Variants in BRD9 observed in about 807,000 individuals in gnomAD.
The protein encoded by BRD9 is bromodomain containing 9, also known as bromodomain-containing protein 9.
In BRD9, 47 loss-of-function variants were observed where a neutral mutation model predicts 68.7. The observed-to-expected ratio is 0.68, with a 90% CI of 0.54 to 0.87. BRD9 has a LOEUF of 0.87. Ranked by LOEUF, BRD9 falls within the 40% of genes least tolerant of loss-of-function variation. BRD9 has a pLI of 0.00. For synonymous variants in BRD9, 313 were observed against 293.9 expected, an observed-to-expected ratio of 1.06 and a Z score of -0.67; for missense variants, 670 against 748.4, an observed-to-expected ratio of 0.90 and a Z score of 1.22.
At chr5:881,465 T>C in intron 8 of BRD9, 1 of 503,784 alleles carries the variant, frequency 2.0e-6, no homozygotes, top group Non-Finnish European at 3.6e-6. Flanking sequence ...AAATTGCTCA[T>C]GAGCCTTGAC....
chr5:870,466 A>T lies in BRD9; in HGVS notation c.1525+7T>A, dbSNP rs1170880682. ...GGTGCTGTGGGAAAGTGCCTGTTAC[A>T]ACTCACCCAGAGAGCTGAGCATGGA... On this transcript the variant is annotated splice_region_variant and intron_variant, in intron 14 of 15. Coordinates refer to ENST00000467963, the MANE Select transcript of BRD9 (RefSeq NM_023924.5). The T allele has an allele frequency of 6.2e-7, 1 of 1,609,840 alleles. No homozygotes were observed. Among genetic ancestry groups the T allele is most frequent in the East Asian group, 2.2e-5 (1 of 44,856 alleles).
At chr5:883,764 C>G (rs1369772064) in intron 8 of BRD9, 174 bp downstream of exon 8, 2 of 912,338 alleles carry the variant, frequency 2.2e-6, no homozygotes, top group Non-Finnish European at 3.2e-6. Context: ...CACCTGGACC[C>G]CGACTGAAGA....
At chr5:882,948 A>C (rs994685062) in intron 8 of BRD9, 6 of 262,536 alleles carry the variant, frequency 2.3e-5, no homozygotes, top group Admixed American at 1.6e-4. Flanking sequence ...AGCCACGTGA[A>C]CCACAACCTC....
At chr5:874,042 G>C (rs1455471814) in intron 12 of BRD9, among the ~76,000 whole-genome samples, 2 of 152,244 alleles carry the variant, frequency 1.3e-5, no homozygotes, top group Admixed American at 1.3e-4. Flanking sequence ...TTCTCTGAAA[G>C]AGAGAAAGAA....
intron 11 of BRD9, among the ~76,000 whole-genome samples, 157 bp downstream of exon 11, chr5:878,198 T>G (rs1228199975): frequency 2.0e-5 from 3 of 152,124 alleles, no homozygotes; most frequent in Non-Finnish European, 2.9e-5. Context: ...GGCAGACCTG[T>G]GTGGATGACT....
At chr5:892,131 T>C (rs542654384) in intron 1 of BRD9, 148 of 504,848 alleles carry the variant, frequency 2.9e-4, no homozygotes, top group Non-Finnish European at 4.6e-4. Flanking sequence ...TTCAAGAAGA[T>C]GGATTAAGAG....
chr5:892,525 G>A lies in BRD9; in HGVS notation c.52+81C>T, dbSNP rs949749894. Reference sequence around the variant, plus strand: ...GGCCAGGACCTCGCCCGGTGCCCAGGACCCCCGTCCGCGTGCCCGGAACTC... The same window carrying A: ...GGCCAGGACCTCGCCCGGTGCCCAGAACCCCCGTCCGCGTGCCCGGAACTC... On this transcript the variant is annotated intron_variant, in intron 1 of 15. Transcript: ENST00000467963. 8 of 1,501,608 alleles carry A rather than the reference G, an allele frequency of 5.3e-6. No individual in the cohort carries two copies. The Admixed American group carries it at 6.5e-5, about 12-fold the overall frequency. The allele number at this position is 1,501,608 out of a possible 1,614,324, so 93.0% of individuals were successfully genotyped here.
rs767493805 is a variant in BRD9 at position 889,063 on chromosome 5, G to C, written c.564C>G (p.Asp188Glu). 8.7e-6 allele frequency: 14 copies of C among 1,610,166 alleles called. 1 individual carries two copies. Among genetic ancestry groups the C allele is most frequent in the Non-Finnish European group, 1.2e-5 (14 of 1,179,106 alleles). Residue 188 changes from aspartate to glutamate, a missense_variant, in exon 5 of 16, where the codon GAC (aspartate) becomes GAG (glutamate). Coordinates refer to ENST00000467963, the MANE Select transcript of BRD9 (RefSeq NM_023924.5). ...ACTTGTATTCATTAGCTACAATTTT[G>C]TCTTTCATGGTGCCAAAATCCATGG... ...KHPMDFGTMKDKIVANEYKSV... is the reference protein window; with the variant it reads ...KHPMDFGTMKEKIVANEYKSV...
chr5:876,665 T>C (rs1750983285), intron 11 of BRD9, among the ~76,000 whole-genome samples: 1 of 152,070 alleles, frequency 6.6e-6, no homozygotes. Flanking sequence ...GCCATATACA[T>C]GAAACAGCTT....
Position 886,722 on chromosome 5 carries a change from T to C in BRD9, c.718-15A>G, listed in dbSNP as rs372148233. The C allele has an allele frequency of 3.2e-5, 52 of 1,613,970 alleles. No homozygotes were observed. The highest frequency in any genetic ancestry group is 4.1e-5 in the Non-Finnish European group (48 of 1,179,986). The stretch of plus-strand genomic sequence containing the variant: ...AGAGCTGCCTGCTGAGAAAAATCCA[T>C]GTCCTGCATAAACGACATGCTGCGC... On this transcript the variant is annotated splice_polypyrimidine_tract_variant and intron_variant, in intron 6 of 15. Coordinates refer to ENST00000467963, the MANE Select transcript of BRD9 (RefSeq NM_023924.5).
intron 1 of BRD9, chr5:892,379 G>T: frequency 9.5e-7 from 1 of 1,055,558 alleles, no homozygotes; most frequent in Non-Finnish European, 1.3e-6. Flanking sequence ...TGGGCTTGCA[G>T]CCTCGAACCC....
chr5:889,895 TGTG>T, intron 3 of BRD9: 1 of 597,818 alleles, frequency 1.7e-6, no homozygotes. Context: ...ATCAACAATA[TGTG>T]GTGATCACTT....
At position 864,485 on chromosome 5, in the gene BRD9, C is replaced by T; in HGVS notation, c.1777G>A (p.Ala593Thr). Residue 593 changes from alanine to threonine, a missense_variant, in exon 16 of 16, where the codon GCC becomes ACC. By Grantham distance (58) the Ala-to-Thr change is moderately conservative (BLOSUM62 0). Transcript: ENST00000467963. ...GTCTAGAGTTAGGTCTTGGCAGAGG[C>T]CGCAGGCTCTGGAGACTGAAGAAAC... is the stretch of plus-strand genomic sequence containing the variant. ...YEFLQSPEPA[A>T]SAKT 2 of 1,613,212 alleles carry T rather than the reference C, an allele frequency of 1.2e-6. No individual in the cohort carries two copies. The highest frequency in any genetic ancestry group is 1.1e-5 in the South Asian group (1 of 91,052).
chr5:869,536 G>A, intron 14 of BRD9: 1 of 345,172 alleles, frequency 2.9e-6, no homozygotes, highest in East Asian at 8.3e-5. Context: ...TGACCCAACA[G>A]AGATTTAACT....
intron 14 of BRD9, 62 bp from the exon 15 acceptor site, chr5:865,643 C>T: frequency 6.6e-7 from 1 of 1,504,318 alleles, no homozygotes. Context: ...ACCCTAAGGG[C>T]AGGAGCACAC....
At chr5:874,295 T>TA (rs1560901282) in intron 12 of BRD9, among the ~76,000 whole-genome samples, 1 of 152,206 alleles carries the variant, frequency 6.6e-6, no homozygotes, top group Non-Finnish European at 1.5e-5. Flanking sequence ...AAATTACTCT[T>TA]AACATTCAAT....
At chr5:887,802 G>A (rs1397187159) in intron 5 of BRD9, among the ~76,000 whole-genome samples, 4 of 152,150 alleles carry the variant, frequency 2.6e-5, no homozygotes, top group East Asian at 3.9e-4. Flanking sequence ...GCAACGACCC[G>A]ATTCTTTCAA....
chr5:889,801 G>T (rs1580011893), intron 3 of BRD9, 154 bp from the exon 4 acceptor site: 1 of 1,460,344 alleles, frequency 6.8e-7, no homozygotes, highest in South Asian at 1.2e-5. Flanking sequence ...CTCAGCCTTG[G>T]CTCCCACCAA....
chr5:887,352 G>A lies in BRD9; in HGVS notation c.717+9C>T. ...TTCCGTAGCTCGCTGCTGCCAGTGA[G>A]TTTCTTACTTTGCTCATCATCTTAA... On this transcript the variant is annotated intron_variant, in intron 6 of 15. Coordinates refer to ENST00000467963, the MANE Select transcript of BRD9 (RefSeq NM_023924.5). The A allele has an allele frequency of 6.2e-7, 1 of 1,604,108 alleles. No homozygotes were observed. Among genetic ancestry groups the A allele is most frequent in the Non-Finnish European group, 8.5e-7 (1 of 1,171,294 alleles).
Sources: allele counts gnomAD v4.1 joint callset (sites outside exome capture counted in the v4.1 genomes callset), GRCh38; gene constraint gnomAD v4.1.1; transcripts MANE v1.5; gene names NCBI Gene and HGNC (gene_info 2026-07-23, HGNC 2026-07-21).